The following PRKCQ variants were observed in gnomAD, a reference collection of about 807,000 sequenced individuals.
PRKCQ encodes the protein protein kinase C theta type.
A neutral mutation model predicts 91.2 loss-of-function variants in PRKCQ; 41 were observed. The ratio of observed to expected loss-of-function variants is 0.45; its 90% CI spans 0.35 to 0.58. The LOEUF (loss-of-function observed/expected upper bound fraction) is 0.58. PRKCQ is among the 20% of genes least tolerant of loss of function. PRKCQ has a pLI of 0.00. For synonymous variants in PRKCQ, 307 were observed against 316.9 expected (o/e 0.97, Z 0.33); for missense variants, 673 against 896.5 (o/e 0.75, Z 3.18).
chr10:6,420,350 C>T, the PRKCQ span, among the ~76,000 whole-genome samples: 1 of 152,238 alleles, frequency 6.6e-6, no homozygotes, highest in Admixed American at 6.5e-5. Context: ...CCCTTGCCGT[C>T]TGACTGGTTG....
At chr10:6,538,319 G>C (rs1839656485) in intron 1 of PRKCQ, among the ~76,000 whole-genome samples, 1 of 152,228 alleles carries the variant, frequency 6.6e-6, no homozygotes, top group Non-Finnish European at 1.5e-5. Context: ...CCAATTTCAG[G>C]TCTTTCCTTG....
At chr10:6,498,364 G>A (rs185896074) in intron 5 of PRKCQ, 32 bp downstream of exon 5, 10 of 1,610,294 alleles carry the variant, frequency 6.2e-6, no homozygotes, top group Admixed American at 3.3e-5. Context: ...TGCATAACCC[G>A]AAGCTTGGAG....
At chr10:6,446,363 T>TG (rs1424776783) in intron 15 of PRKCQ, among the ~76,000 whole-genome samples, 4 of 145,054 alleles carry the variant, frequency 2.8e-5, no homozygotes, top group African/African-American at 1.0e-4. Context: ...CTCAGTTTTT[T>TG]TTTTTTTTTT....
At chr10:6,461,729 CCTTT>C (rs986246575) in intron 14 of PRKCQ, among the ~76,000 whole-genome samples, 1 of 151,968 alleles carries the variant, frequency 6.6e-6, no homozygotes, top group South Asian at 2.1e-4. Flanking sequence ...TCTTTTTTTT[CCTTT>C]CTATTTTTCC....
intron 1 of PRKCQ, among the ~76,000 whole-genome samples, chr10:6,538,573 G>A (rs898185487): frequency 2.6e-5 from 4 of 152,156 alleles, no homozygotes; most frequent in African/African-American, 7.2e-5. Flanking sequence ...ACATCTAGTC[G>A]GCACTAAGAT....
chr10:6,503,517 C>A (rs570829694), intron 4 of PRKCQ, among the ~76,000 whole-genome samples: 210 of 151,640 alleles, frequency 1.4e-3, no homozygotes, highest in African/African-American at 5.0e-3. Context: ...AGAGAAAGAA[C>A]AAAGTAGTCT....
chr10:6,459,455 G>A (rs1396810884), intron 14 of PRKCQ, among the ~76,000 whole-genome samples: 1 of 152,192 alleles, frequency 6.6e-6, no homozygotes, highest in African/African-American at 2.4e-5. Flanking sequence ...GATATCAGCT[G>A]TATGGGTGGA....
At chr10:6,522,606 A>C (rs1159901434) in intron 1 of PRKCQ, among the ~76,000 whole-genome samples, 1 of 152,248 alleles carries the variant, frequency 6.6e-6, no homozygotes, top group Admixed American at 6.5e-5. Flanking sequence ...AATATCAAGC[A>C]TTCTCTTCCT....
chr10:6,457,505 G>A (rs1048834368), intron 14 of PRKCQ, among the ~76,000 whole-genome samples: 2 of 152,042 alleles, frequency 1.3e-5, no homozygotes, highest in East Asian at 1.9e-4. Context: ...CAGGGACTTC[G>A]CTCCTCATGA....
At chr10:6,493,092 A>T (rs1395359001) in intron 7 of PRKCQ, among the ~76,000 whole-genome samples, 3 of 152,184 alleles carry the variant, frequency 2.0e-5, no homozygotes, top group Non-Finnish European at 4.4e-5. Context: ...ACCACTTCGA[A>T]TCTTGAATGC....
intron 1 of PRKCQ, 65 bp downstream of exon 1, chr10:6,580,146 C>G (rs1346169189): frequency 6.6e-6 from 1 of 152,436 alleles, no homozygotes; most frequent in Non-Finnish European, 1.5e-5. Context: ...TAGCCCTTCT[C>G]GCCACGGGTC....
At chr10:6,403,930 G>A in the PRKCQ span, among the ~76,000 whole-genome samples, 12 of 152,150 alleles carry the variant, frequency 7.9e-5, no homozygotes, top group Admixed American at 4.6e-4. Flanking sequence ...ACAGATGCTA[G>A]GCCAACAGGT....
At chr10:6,448,201 T>TG (rs746555797) in intron 15 of PRKCQ, among the ~76,000 whole-genome samples, 8 of 152,056 alleles carry the variant, frequency 5.3e-5, no homozygotes, top group Non-Finnish European at 8.8e-5. Context: ...AGCCTGTGAG[T>TG]GGATAAGCCA....
intron 1 of PRKCQ, among the ~76,000 whole-genome samples, chr10:6,518,667 A>T (rs1489130461): frequency 2.0e-5 from 3 of 152,070 alleles, no homozygotes; most frequent in Middle Eastern, 3.2e-3. Context: ...ACAAAAATAC[A>T]GCAATTAGCC....
intron 8 of PRKCQ, among the ~76,000 whole-genome samples, chr10:6,488,817 T>TCAAGTGATC (rs1837088081): frequency 6.6e-6 from 1 of 152,236 alleles, no homozygotes; most frequent in African/African-American, 2.4e-5. Flanking sequence ...TCTTGCTCTG[T>TCAAGTGATC]TGCCCAGGCT....
chr10:6,439,256 G>A (rs1216545938), intron 16 of PRKCQ, among the ~76,000 whole-genome samples: 1 of 152,126 alleles, frequency 6.6e-6, no homozygotes, highest in Non-Finnish European at 1.5e-5. Context: ...GGGCTACCAC[G>A]GATAGGGCGC....
At chr10:6,559,909 T>C (rs1281005874) in intron 1 of PRKCQ, among the ~76,000 whole-genome samples, 1 of 152,236 alleles carries the variant, frequency 6.6e-6, no homozygotes, top group Non-Finnish European at 1.5e-5. Context: ...ACACAGAATG[T>C]GTAGTGGTCA....
the PRKCQ span, among the ~76,000 whole-genome samples, chr10:6,407,047 C>T: frequency 6.6e-6 from 1 of 152,132 alleles, no homozygotes; most frequent in East Asian, 1.9e-4. This position sits in a 1 kb window ranked among gnomAD's most constrained non-coding sequence, Gnocchi z 4.0. Flanking sequence ...GTTTAAAAAC[C>T]ACAGGCATCA....
chr10:6,484,829 G>C (rs1471677358), intron 10 of PRKCQ, among the ~76,000 whole-genome samples: 1 of 152,104 alleles, frequency 6.6e-6, no homozygotes, highest in Non-Finnish European at 1.5e-5. Context: ...GTCTTCTGTG[G>C]CCTTCCCACC....
Sources: allele counts gnomAD v4.1 joint callset (sites outside exome capture counted in the v4.1 genomes callset), GRCh38; gene constraint gnomAD v4.1.1; non-coding constraint Gnocchi (gnomAD v3.1); transcripts MANE v1.5; gene names NCBI Gene and HGNC (gene_info 2026-07-23, HGNC 2026-07-21).